The following TMC5 variants were observed in gnomAD, a reference collection of about 807,000 sequenced individuals.
TMC5 encodes the protein transmembrane channel like 5, also known as transmembrane channel-like protein 5.
TMC5 carries 86 observed loss-of-function variants against 110.5 expected under a neutral mutation model. The ratio of observed to expected loss-of-function variants is 0.78; its 90% CI spans 0.65 to 0.93. The LOEUF (loss-of-function observed/expected upper bound fraction) is 0.93. Ranked by LOEUF, TMC5 falls within the 40% of genes least tolerant of loss-of-function variation. The probability of loss-of-function intolerance (pLI) is 0.00; values close to 1 mark genes in which losing one functional copy is unlikely to be tolerated. For missense variants in TMC5, 1,144 were observed against 1,222.8 expected (o/e 0.94, Z 0.96); for synonymous variants, 455 against 439.5 (o/e 1.04, Z -0.44).
chr16:19,445,060 C>T (rs575325748), intron 4 of TMC5, among the ~76,000 whole-genome samples: 15 of 152,136 alleles, frequency 9.9e-5, no homozygotes, highest in African/African-American at 2.6e-4. Context: ...ACCCAGGAGG[C>T]GGAGGTTGCA....
rs936249869 is a variant in TMC5, at chr16:19,466,057, A to G, written c.1486-25A>G. ...CCTTTTTTTTCAGGAGATCCACCTGACCTATGGTTTATTGTACCTTTCAGG... is the reference window on the plus strand; with the variant it reads ...CCTTTTTTTTCAGGAGATCCACCTGGCCTATGGTTTATTGTACCTTTCAGG... On this transcript the variant is annotated intron_variant, in intron 8 of 21. Transcript: ENST00000542583. The G allele has an allele frequency of 3.1e-6, 5 of 1,612,560 alleles. No homozygotes were observed. In the East Asian group the frequency reaches 8.9e-5, roughly 29 times the overall value.
At chr16:19,487,440 G>A (rs1431007487) in intron 17 of TMC5, 114 bp downstream of exon 17, 7 of 1,361,026 alleles carry the variant, frequency 5.1e-6, no homozygotes, top group East Asian at 2.5e-5. Flanking sequence ...AGTGGCTCAC[G>A]CCTGTGATCC....
At chr16:19,446,013 G>A (rs1049252208) in intron 4 of TMC5, among the ~76,000 whole-genome samples, 4 of 133,330 alleles carry the variant, frequency 3.0e-5, no homozygotes, top group Non-Finnish European at 4.7e-5. Context: ...AGACCCTGTC[G>A]CAAAAAAAGA....
chr16:19,488,522 C>T (rs768137380), intron 17 of TMC5, among the ~76,000 whole-genome samples: 3 of 152,200 alleles, frequency 2.0e-5, no homozygotes, highest in Admixed American at 6.5e-5. Flanking sequence ...CACTGTTCCC[C>T]GCCCCACCAC....
At chr16:19,470,991 G>A (rs1038456423) in intron 10 of TMC5, among the ~76,000 whole-genome samples, 2 of 152,010 alleles carry the variant, frequency 1.3e-5, no homozygotes, top group East Asian at 1.9e-4. Flanking sequence ...AGCCAAGATC[G>A]CGCCACTGCA....
At position 19,497,924 on chromosome 16, in the gene TMC5, G is replaced by A. The variant is rs140646091; in HGVS notation, c.2979G>A (p.Leu993=). The A allele has an allele frequency of 2.5e-4, 402 of 1,613,940 alleles. No homozygotes were observed. The highest frequency in any genetic ancestry group is 3.3e-4 in the Non-Finnish European group (389 of 1,179,914). ...TCTTTCCTGTGTCAAACCTAGACTT[G>A]CGATCTAGAAGATCAGTTCAAGAAG... ...HLGEHDGSLD[L]RSRRSVQEGN... is the part of the protein sequence containing the mutation. The change falls in exon 22 of 22, where the codon TTG becomes TTA. Residue 993 remains leucine, a synonymous_variant. Coordinates refer to ENST00000542583, the MANE Select transcript of TMC5 (RefSeq NM_001261841.2).
Position 19,440,482 on chromosome 16 carries a change from C to T in TMC5, c.444C>T (p.Gly148=), listed in dbSNP as rs746580789. 2 of 1,614,154 alleles carry T rather than the reference C, an allele frequency of 1.2e-6. No homozygotes were observed. Among genetic ancestry groups the T allele is most frequent in the Non-Finnish European group, 1.7e-6 (2 of 1,180,022 alleles). The change falls in exon 3 of 22, where the codon GGC becomes GGT. Residue 148 remains glycine (G), a synonymous_variant. Transcript: ENST00000542583. ...CCAGCAGCAGTGGAAACTATGCAGG[C>T]TCCAGAACACATCCAGATCATTTTG... ...AGSSSSGNYA[G]SRTHPDHFGS... is the part of the protein sequence containing the mutation.
chr16:19,444,258 T>A lies in TMC5; in HGVS notation c.958+8T>A. ...CTCCTGGAAGTGGCTATGGTAAGCA[T>A]TTGTTAAGCCAGGATCATATCCTGG... On this transcript the variant is annotated splice_region_variant and intron_variant, in intron 4 of 21. Transcript: ENST00000542583. 1 of 1,613,196 alleles carries A rather than the reference T, an allele frequency of 6.2e-7. No individual in the cohort carries two copies. The highest frequency in any genetic ancestry group is 8.5e-7 in the Non-Finnish European group (1 of 1,179,830).
intron 5 of TMC5, among the ~76,000 whole-genome samples, chr16:19,454,104 G>A (rs1369758571): frequency 1.3e-5 from 2 of 152,072 alleles, no homozygotes; most frequent in East Asian, 1.9e-4. Flanking sequence ...CTGGAGTGGA[G>A]TGGAGTGACC....
At chr16:19,424,480 G>A (rs796223764) in intron 1 of TMC5, among the ~76,000 whole-genome samples, 2 of 152,054 alleles carry the variant, frequency 1.3e-5, no homozygotes, top group African/African-American at 2.4e-5. Context: ...GCAGAAACCC[G>A]TCTACAAAAA....
At chr16:19,469,922 T>C (rs1173316174) in intron 10 of TMC5, 97 bp downstream of exon 10, 6 of 1,343,880 alleles carry the variant, frequency 4.5e-6, no homozygotes, top group African/African-American at 1.5e-5. Flanking sequence ...TGAATTGGAG[T>C]CTCACTCTGT....
At chr16:19,486,604 T>C (rs577042668) in intron 15 of TMC5, among the ~76,000 whole-genome samples, 1 of 151,306 alleles carries the variant, frequency 6.6e-6, no homozygotes, top group African/African-American at 2.4e-5. Context: ...CTTGAACTCC[T>C]GACCTCAGGT....
At chr16:19,477,627 T>A (rs1968521312) in intron 13 of TMC5, 109 bp downstream of exon 13, 1 of 752,316 alleles carries the variant, frequency 1.3e-6, no homozygotes, top group East Asian at 2.8e-5. Context: ...TATTAATCCC[T>A]TGTGGGAAGA....
upstream of TMC5, among the ~76,000 whole-genome samples, chr16:19,414,108 G>A (rs189624930): frequency 1.2e-4 from 18 of 152,280 alleles, no homozygotes; most frequent in East Asian, 1.7e-3. Context: ...CTGTTCCAGC[G>A]TCTGCTCATT....
intron 5 of TMC5, among the ~76,000 whole-genome samples, chr16:19,453,295 A>G (rs1206976053): frequency 1.3e-5 from 2 of 151,898 alleles, no homozygotes; most frequent in Non-Finnish European, 2.9e-5. Flanking sequence ...CTCTATGAAA[A>G]ATAGAAAATT....
At chr16:19,451,287 T>C (rs1351929147) in intron 5 of TMC5, among the ~76,000 whole-genome samples, 1 of 152,084 alleles carries the variant, frequency 6.6e-6, no homozygotes, top group Non-Finnish European at 1.5e-5. Flanking sequence ...CACTTAGAAC[T>C]CTCACCTTTC....
intron 1 of TMC5, among the ~76,000 whole-genome samples, chr16:19,427,020 C>G (rs756442516): frequency 2.6e-5 from 4 of 152,138 alleles, no homozygotes; most frequent in African/African-American, 4.8e-5. Context: ...AGTGCCAAAA[C>G]TGGGGAAGTC....
chr16:19,460,453 G>A (rs1321707071), intron 6 of TMC5, 119 bp downstream of exon 6: 2 of 665,702 alleles, frequency 3.0e-6, no homozygotes, highest in Non-Finnish European at 5.0e-6. Flanking sequence ...AAATATTCCT[G>A]ACAGAAAAAT....
chr16:19,465,952 TG>T, intron 8 of TMC5, 129 bp from the exon 9 acceptor site: 1 of 958,182 alleles, frequency 1.0e-6, no homozygotes. Flanking sequence ...GCCCCTTTCC[TG>T]GAAAACAAAA....
Sources: gnomAD v4.1 joint callset for allele counts (sites outside exome capture counted in the v4.1 genomes callset) on GRCh38, gnomAD v4.1.1 for gene constraint, MANE v1.5 for transcripts, NCBI Gene and HGNC (gene_info 2026-07-23, HGNC 2026-07-21) for gene names.